Variants in ADAMTSL1 observed in about 807,000 individuals in gnomAD.
ADAMTSL1 encodes the protein ADAMTS-like protein 1.
In ADAMTSL1, 126 loss-of-function variants were observed where a neutral mutation model predicts 201.8. That is an observed-to-expected ratio of 0.62 (90% CI 0.54 to 0.72). ADAMTSL1 has a LOEUF of 0.72. Among genes scored for constraint, ADAMTSL1 ranks in the 30% least tolerant of loss-of-function variants. ADAMTSL1 has a pLI of 0.00. For missense variants in ADAMTSL1, 2,679 were observed against 2,277.8 expected, an observed-to-expected ratio of 1.18 and a Z score of -3.59; for synonymous variants, 1,121 against 903.4, an observed-to-expected ratio of 1.24 and a Z score of -4.32.
chr9:18,626,194 G>T (rs1826349120), intron 5 of ADAMTSL1, among the ~76,000 whole-genome samples: 1 of 152,100 alleles, frequency 6.6e-6, no homozygotes, highest in Non-Finnish European at 1.5e-5. Context: ...TGTTCTAGGT[G>T]CTGGAAACAG....
intron 1 of ADAMTSL1, among the ~76,000 whole-genome samples, chr9:18,150,717 G>C (rs1826870442): frequency 6.6e-6 from 1 of 150,440 alleles, no homozygotes; most frequent in Non-Finnish European, 1.5e-5. Flanking sequence ...AGGGGGGAGA[G>C]TAATAAATAA....
intron 7 of ADAMTSL1, among the ~76,000 whole-genome samples, chr9:18,643,964 G>A (rs1827613473): frequency 1.3e-5 from 2 of 151,918 alleles, no homozygotes; most frequent in Admixed American, 1.3e-4. Context: ...TGTAGATAGT[G>A]TTGGGTAGTA....
intron 2 of ADAMTSL1, among the ~76,000 whole-genome samples, chr9:18,278,090 A>G (rs141769230): frequency 1.3e-5 from 2 of 152,084 alleles, no homozygotes; most frequent in Non-Finnish European, 1.5e-5. Flanking sequence ...TAGTGCTGCA[A>G]TTTTCATCTT....
intron 2 of ADAMTSL1, among the ~76,000 whole-genome samples, chr9:18,402,413 C>T (rs1159700132): frequency 6.6e-6 from 1 of 152,096 alleles, no homozygotes; most frequent in Non-Finnish European, 1.5e-5. Flanking sequence ...AAGCATCAGC[C>T]CTCTAATTGG....
chr9:18,710,126 C>T (rs535867463), intron 14 of ADAMTSL1, among the ~76,000 whole-genome samples: 1 of 152,258 alleles, frequency 6.6e-6, no homozygotes, highest in African/African-American at 2.4e-5. Flanking sequence ...TTCCCTCCTC[C>T]AGCTTCCCAC....
chr9:18,002,820 A>G (rs1190326739), intron 1 of ADAMTSL1, among the ~76,000 whole-genome samples: 1 of 152,080 alleles, frequency 6.6e-6, no homozygotes, highest in Admixed American at 6.6e-5. Flanking sequence ...GTCAAAGTAC[A>G]AGAGAGTTAA....
chr9:18,689,765 CT>C (rs924271865), intron 13 of ADAMTSL1, among the ~76,000 whole-genome samples: 3 of 152,164 alleles, frequency 2.0e-5, no homozygotes, highest in African/African-American at 7.2e-5. Flanking sequence ...CAGATATTCC[CT>C]TGTTAAATAG....
intron 2 of ADAMTSL1, among the ~76,000 whole-genome samples, chr9:18,370,725 G>T (rs1837008838): frequency 6.8e-6 from 1 of 146,692 alleles, no homozygotes; most frequent in African/African-American, 2.5e-5. Context: ...AGAAAGCACA[G>T]CTCTTTCCTA....
At chr9:18,090,856 T>C (rs1823980882) in intron 1 of ADAMTSL1, among the ~76,000 whole-genome samples, 1 of 152,120 alleles carries the variant, frequency 6.6e-6, no homozygotes. Flanking sequence ...TTCCTCCCCC[T>C]GGCGTTTTCC....
At chr9:18,133,771 C>A (rs758736184) in intron 1 of ADAMTSL1, among the ~76,000 whole-genome samples, 2 of 151,920 alleles carry the variant, frequency 1.3e-5, no homozygotes, top group Non-Finnish European at 2.9e-5. Flanking sequence ...TTTACACACA[C>A]GGAAATCATT....
intron 1 of ADAMTSL1, among the ~76,000 whole-genome samples, chr9:18,109,107 T>C (rs1393703390): frequency 6.6e-6 from 1 of 152,180 alleles, no homozygotes; most frequent in African/African-American, 2.4e-5. Flanking sequence ...ACATTAGAAG[T>C]TTAAGACTTG....
intron 26 of ADAMTSL1, among the ~76,000 whole-genome samples, chr9:18,904,831 G>A (rs571652993): frequency 5.5e-5 from 8 of 145,228 alleles, no homozygotes; most frequent in Admixed American, 2.8e-4. Context: ...GCAATAATTC[G>A]CCTTGGGCAC....
At chr9:18,699,152 A>G (rs1039799847) in intron 13 of ADAMTSL1, among the ~76,000 whole-genome samples, 2 of 152,092 alleles carry the variant, frequency 1.3e-5, no homozygotes, top group Non-Finnish European at 2.9e-5. Flanking sequence ...TTTTTAACCC[A>G]ACTTCCATCA....
intron 2 of ADAMTSL1, among the ~76,000 whole-genome samples, chr9:18,336,346 A>ATTTTTTTTTTT: frequency 6.6e-6 from 1 of 150,730 alleles, no homozygotes. Context: ...CAATTTTTCT[A>ATTTTTTTTTTT]CTTAAAGAAG....
intron 2 of ADAMTSL1, among the ~76,000 whole-genome samples, chr9:18,519,389 C>G (rs1818549749): frequency 6.6e-6 from 1 of 152,172 alleles, no homozygotes; most frequent in African/African-American, 2.4e-5. Flanking sequence ...ATCGCAAAGT[C>G]TCCTTTCTCC....
chr9:18,495,207 T>C (rs914850666), intron 1 of ADAMTSL1, among the ~76,000 whole-genome samples: 18 of 152,170 alleles, frequency 1.2e-4, no homozygotes, highest in Admixed American at 9.8e-4. Context: ...TCTAAAGGTG[T>C]TGCTGACTCA....
At chr9:18,590,804 T>C (rs1823864380) in intron 4 of ADAMTSL1, among the ~76,000 whole-genome samples, 1 of 152,088 alleles carries the variant, frequency 6.6e-6, no homozygotes, top group Admixed American at 6.6e-5. Flanking sequence ...AATTTCCATG[T>C]ATTTGTATAG....
chr9:18,831,487 A>C (rs1588187184), intron 23 of ADAMTSL1, among the ~76,000 whole-genome samples: 1 of 152,214 alleles, frequency 6.6e-6, no homozygotes, highest in East Asian at 1.9e-4. Flanking sequence ...AGCATGCTGG[A>C]AAAGTTAGCC....
intron 23 of ADAMTSL1, among the ~76,000 whole-genome samples, chr9:18,876,033 T>C (rs1188496993): frequency 1.3e-5 from 2 of 152,174 alleles, no homozygotes; most frequent in Non-Finnish European, 2.9e-5. Context: ...CTTTAAAGTC[T>C]GTTTTGTCTG....
Sources: allele counts gnomAD v4.1 joint callset (sites outside exome capture counted in the v4.1 genomes callset), GRCh38; gene constraint gnomAD v4.1.1; transcripts MANE v1.5; gene names NCBI Gene and HGNC (gene_info 2026-07-23, HGNC 2026-07-21).